PCDH17: variants seen among roughly 807,000 people sequenced by gnomAD.
PCDH17 encodes the protein protocadherin-17.
A neutral mutation model predicts 67.7 loss-of-function variants in PCDH17; 21 were observed. That is an observed-to-expected ratio of 0.31 (90% CI 0.22 to 0.45). The LOEUF (loss-of-function observed/expected upper bound fraction) is 0.45. PCDH17 is among the 20% of genes least tolerant of loss of function. The pLI is 1.00. For missense variants in PCDH17, 1,471 were observed against 1,564.8 expected (o/e 0.94, Z 1.01); for synonymous variants, 701 against 656.7 (o/e 1.07, Z -1.03).
intron 3 of PCDH17, among the ~76,000 whole-genome samples, chr13:57,684,221 A>G (rs1955485923): frequency 6.6e-6 from 1 of 151,884 alleles, no homozygotes; most frequent in African/African-American, 2.4e-5. Flanking sequence ...AGAATCCTAG[A>G]GGTTAGAAAT....
intron 3 of PCDH17, among the ~76,000 whole-genome samples, chr13:57,671,344 G>T (rs1294731786): frequency 1.3e-5 from 2 of 150,892 alleles, no homozygotes; most frequent in African/African-American, 4.9e-5. Flanking sequence ...TTTATATTTT[G>T]GAAGAAGATA....
At chr13:57,654,716 A>T (rs990113866) in intron 1 of PCDH17, among the ~76,000 whole-genome samples, 2 of 152,074 alleles carry the variant, frequency 1.3e-5, no homozygotes, top group Non-Finnish European at 2.9e-5. Flanking sequence ...TGACACTAGT[A>T]AAGACACTTT....
At chr13:57,723,502 G>C (rs1255828981) in intron 3 of PCDH17, among the ~76,000 whole-genome samples, 1 of 151,962 alleles carries the variant, frequency 6.6e-6, no homozygotes, top group African/African-American at 2.4e-5. Context: ...AATGTGTAGA[G>C]ATCATCTAGC....
At chr13:57,644,343 G>A (rs1481024052) in intron 1 of PCDH17, among the ~76,000 whole-genome samples, 1 of 151,664 alleles carries the variant, frequency 6.6e-6, no homozygotes, top group African/African-American at 2.4e-5. Flanking sequence ...CTATGCCTGA[G>A]TGGAGAGAAA....
At chr13:57,635,948 T>A (rs1954818018) in intron 1 of PCDH17, among the ~76,000 whole-genome samples, 1 of 152,168 alleles carries the variant, frequency 6.6e-6, no homozygotes, top group Admixed American at 6.5e-5. Flanking sequence ...GGAGGCAAAG[T>A]TACACTGAAG....
At chr13:57,666,431 G>A in intron 1 of PCDH17, 37 bp from the exon 2 acceptor site, 3 of 1,534,822 alleles carry the variant, frequency 2.0e-6, no homozygotes, top group Non-Finnish European at 1.8e-6. Context: ...TTTGTCCAGT[G>A]TACAACTATA....
chr13:57,687,108 T>A (rs1472937624), intron 3 of PCDH17, among the ~76,000 whole-genome samples: 1 of 152,090 alleles, frequency 6.6e-6, no homozygotes, highest in African/African-American at 2.4e-5. Flanking sequence ...AAATGGCACA[T>A]CGTGCAATTC....
intron 1 of PCDH17, among the ~76,000 whole-genome samples, chr13:57,665,986 T>G (rs1027983399): frequency 1.3e-5 from 2 of 152,148 alleles, no homozygotes; most frequent in African/African-American, 4.8e-5. Flanking sequence ...CTGGCAAAAT[T>G]GGAAGGAAAG....
At chr13:57,674,865 A>G (rs1955372192) in intron 3 of PCDH17, among the ~76,000 whole-genome samples, 1 of 151,968 alleles carries the variant, frequency 6.6e-6, no homozygotes, top group Non-Finnish European at 1.5e-5. Context: ...AAGCCATATT[A>G]CAAAACATTA....
At chr13:57,682,737 A>G (rs1394989856) in intron 3 of PCDH17, among the ~76,000 whole-genome samples, 1 of 151,848 alleles carries the variant, frequency 6.6e-6, no homozygotes, top group Non-Finnish European at 1.5e-5. Context: ...AAAAGAAAAA[A>G]AGATTGATCG....
intron 3 of PCDH17, among the ~76,000 whole-genome samples, chr13:57,698,386 G>A (rs952036495): frequency 2.0e-5 from 3 of 151,632 alleles, no homozygotes; most frequent in Admixed American, 6.6e-5. Flanking sequence ...GGAAAATTGA[G>A]GCTAGAAAGT....
At chr13:57,715,877 G>A (rs894221461) in intron 3 of PCDH17, among the ~76,000 whole-genome samples, 2 of 151,902 alleles carry the variant, frequency 1.3e-5, no homozygotes, top group African/African-American at 2.4e-5. Context: ...GAGGAAGAGG[G>A]AAGAAAGATA....
chr13:57,687,391 T>A (rs1326674431), intron 3 of PCDH17, among the ~76,000 whole-genome samples: 4 of 152,012 alleles, frequency 2.6e-5, no homozygotes, highest in African/African-American at 7.2e-5. Context: ...CAATGGAGGT[T>A]CTTAGAATGT....
chr13:57,667,120 G>A (rs1200897679), intron 3 of PCDH17, among the ~76,000 whole-genome samples: 1 of 151,998 alleles, frequency 6.6e-6, no homozygotes, highest in Non-Finnish European at 1.5e-5. Context: ...CCTATTTGGG[G>A]TTATACTAAC....
chr13:57,673,204 C>T (rs895347237), intron 3 of PCDH17, among the ~76,000 whole-genome samples: 7 of 151,896 alleles, frequency 4.6e-5, no homozygotes, highest in Non-Finnish European at 8.8e-5. Context: ...CCTTTAGATC[C>T]TCCAATAAAA....
intron 3 of PCDH17, among the ~76,000 whole-genome samples, chr13:57,703,089 A>G (rs1456994685): frequency 6.6e-6 from 1 of 152,178 alleles, no homozygotes; most frequent in Non-Finnish European, 1.5e-5. Flanking sequence ...GCTTCTGTAA[A>G]TGTTCCCCAC....
chr13:57,656,611 TG>T (rs373331492), intron 1 of PCDH17, among the ~76,000 whole-genome samples: 92 of 152,158 alleles, frequency 6.0e-4, no homozygotes, highest in Middle Eastern at 3.4e-3. Context: ...TTTCTTTCAG[TG>T]GGAAAAGTCT....
chr13:57,678,693 T>C (rs1035824688), intron 3 of PCDH17, among the ~76,000 whole-genome samples: 3 of 151,604 alleles, frequency 2.0e-5, no homozygotes, highest in African/African-American at 7.3e-5. Flanking sequence ...CAAGATACTC[T>C]ACCACAAGGT....
chr13:57,712,008 CTAGA>C (rs1412083115), intron 3 of PCDH17, among the ~76,000 whole-genome samples: 2 of 151,230 alleles, frequency 1.3e-5, no homozygotes, highest in African/African-American at 4.8e-5. Flanking sequence ...AGAAAAAAGC[CTAGA>C]TAGAAAGTTT....
Sources: gnomAD v4.1 joint callset for allele counts (sites outside exome capture counted in the v4.1 genomes callset) on GRCh38, gnomAD v4.1.1 for gene constraint, MANE v1.5 for transcripts, NCBI Gene and HGNC (gene_info 2026-07-23, HGNC 2026-07-21) for gene names.